ANKH: variants seen among roughly 807,000 people sequenced by gnomAD.
ANKH encodes the protein mineralization regulator ANKH.
ANKH carries 15 observed loss-of-function variants against 49.0 expected under a neutral mutation model. That is an observed-to-expected ratio of 0.31 (90% CI 0.20 to 0.47). The LOEUF is 0.47. ANKH is among the 20% of genes least tolerant of loss of function. The probability of loss-of-function intolerance (pLI) is 1.00; values close to 1 mark genes in which losing one functional copy is unlikely to be tolerated. For missense variants in ANKH, 429 were observed against 652.0 expected (o/e 0.66, Z 3.72); for synonymous variants, 273 against 260.0 (o/e 1.05, Z -0.48).
chr5:14,708,236 C>A lies in ANKH; in HGVS notation c.*2961G>T, dbSNP rs1737016254. On this transcript the variant is annotated 3_prime_UTR_variant, in exon 12 of 12. Transcript: ENST00000284268. ...AGCTCTAGAAAACCCTTACTATTTC[C>A]TATGCTTTGAGCTGCCCAAACCTAT... 1 of 152,208 alleles carries A rather than the reference C, an allele frequency of 6.6e-6. No homozygotes were observed. Among genetic ancestry groups the A allele is most frequent in the South Asian group, 2.1e-4 (1 of 4,832 alleles). 9.4% of individuals were successfully genotyped at this position (152,208 alleles called of 1,614,324 possible). A position where few individuals can be genotyped will look rare whatever the true frequency, so the allele number is the denominator to read the frequency against.
In ANKH at chr5:14,710,825, T is replaced by C. The variant is rs1737146905; in HGVS notation, c.*372A>G. The C allele has an allele frequency of 9.3e-6, 3 of 322,542 alleles. No individual in the cohort carries two copies. The highest frequency in any genetic ancestry group is 1.6e-4 in the East Asian group (2 of 12,466). The allele number at this position is 322,542 out of a possible 1,614,324, so 20.0% of individuals were successfully genotyped here. ...GGGGACAGGAGAGTCTGTGGCCTGCTGTGCAGGGTGACCGAGGCGCGATGG... is the reference window on the plus strand; with the variant it reads ...GGGGACAGGAGAGTCTGTGGCCTGCCGTGCAGGGTGACCGAGGCGCGATGG... On this transcript the variant is annotated 3_prime_UTR_variant, in exon 12 of 12. Coordinates refer to ENST00000284268, the MANE Select transcript of ANKH (RefSeq NM_054027.6).
chr5:14,713,757 C>G lies in ANKH; in HGVS notation c.1142-90G>C. The G allele has an allele frequency of 6.3e-7, 1 of 1,584,766 alleles. No individual in the cohort carries two copies. The highest frequency in any genetic ancestry group is 8.6e-7 in the Non-Finnish European group (1 of 1,158,518). The stretch of plus-strand genomic sequence containing the variant: ...GGACCAGGGCAGCACATCCGAGAGC[C>G]AGGGGCTGCCTAGGACCCTGGCCTT... On this transcript the variant is annotated intron_variant, in intron 9 of 11. Coordinates refer to ENST00000284268, the MANE Select transcript of ANKH (RefSeq NM_054027.6). The surrounding 1 kb of genome is among the most constrained non-coding windows in gnomAD (Gnocchi z 4.4).
intron 8 of ANKH, among the ~76,000 whole-genome samples, chr5:14,726,207 C>T (rs577276401): frequency 6.6e-6 from 1 of 152,290 alleles, no homozygotes; most frequent in Non-Finnish European, 1.5e-5. Flanking sequence ...TTAGATAACA[C>T]TATGCTGTCT....
intron 1 of ANKH, among the ~76,000 whole-genome samples, chr5:14,806,938 A>G (rs1172068267): frequency 6.6e-6 from 1 of 152,174 alleles, no homozygotes; most frequent in Non-Finnish European, 1.5e-5. Flanking sequence ...TAGTTGTCAA[A>G]AGTTCAGAAA....
intron 1 of ANKH, among the ~76,000 whole-genome samples, chr5:14,822,546 T>C (rs1741226053): frequency 6.6e-6 from 1 of 152,230 alleles, no homozygotes; most frequent in Non-Finnish European, 1.5e-5. Flanking sequence ...TTCTGTTATG[T>C]AATCATTTTA....
chr5:14,810,120 G>A (rs1004585854), intron 1 of ANKH, among the ~76,000 whole-genome samples: 2 of 151,986 alleles, frequency 1.3e-5, no homozygotes, highest in Non-Finnish European at 2.9e-5. Flanking sequence ...AGCTTCATGA[G>A]GGAGGAGAAT....
At chr5:14,779,767 C>T (rs1009067026) in intron 1 of ANKH, among the ~76,000 whole-genome samples, 7 of 152,300 alleles carry the variant, frequency 4.6e-5, no homozygotes, top group Admixed American at 1.3e-4. Flanking sequence ...TCATGTAGTT[C>T]TGATCGTTTC....
chr5:14,843,518 C>G (rs1741870743), intron 1 of ANKH, among the ~76,000 whole-genome samples: 1 of 140,040 alleles, frequency 7.1e-6, no homozygotes, highest in Admixed American at 7.8e-5. Flanking sequence ...ACTAATGAGC[C>G]CTTCTCCCAA....
At chr5:14,842,957 A>G (rs560134590) in intron 1 of ANKH, among the ~76,000 whole-genome samples, 3 of 152,306 alleles carry the variant, frequency 2.0e-5, no homozygotes, top group Admixed American at 6.5e-5. Flanking sequence ...TCCATTCAGC[A>G]TGCTGTGTTC....
chr5:14,856,927 G>A (rs1735282361), intron 1 of ANKH, among the ~76,000 whole-genome samples: 1 of 152,078 alleles, frequency 6.6e-6, no homozygotes, highest in South Asian at 2.1e-4. Flanking sequence ...AGGAAGGTGT[G>A]GATGTTTTTT....
chr5:14,789,166 TATAATG>T (rs1236993081), intron 1 of ANKH, among the ~76,000 whole-genome samples: 5 of 152,120 alleles, frequency 3.3e-5, no homozygotes, highest in Non-Finnish European at 7.3e-5. Context: ...AGGCAGAGGT[TATAATG>T]AGCCAAGATT....
At position 14,865,609 on chromosome 5, in the gene ANKH, A is replaced by G. The variant is rs1246043577; in HGVS notation, c.96+5743T>C. Among the ~76,000 whole-genome samples the G allele has an allele frequency of 3.9e-5, 6 of 152,286 alleles. No individual in the cohort carries two copies. In the East Asian group the frequency reaches 1.2e-3, roughly 29 times the overall value. On this transcript the variant is annotated intron_variant, in intron 1 of 11. Transcript: ENST00000284268. ...TAAGGCAAGCTCTTAAGCACTGTCAAAGGAGGTCCTCTCCATTGCTCAGTG... is the reference window on the plus strand; with the variant it reads ...TAAGGCAAGCTCTTAAGCACTGTCAGAGGAGGTCCTCTCCATTGCTCAGTG...
intron 1 of ANKH, among the ~76,000 whole-genome samples, chr5:14,777,292 CA>C (rs1269440772): frequency 1.3e-5 from 2 of 151,980 alleles, no homozygotes; most frequent in Non-Finnish European, 2.9e-5. Flanking sequence ...ATCACAAAAA[CA>C]AAAAACAAAC....
intron 8 of ANKH, 153 bp downstream of exon 8, chr5:14,741,674 C>G (rs1233385450): frequency 1.5e-6 from 1 of 656,622 alleles, no homozygotes; most frequent in African/African-American, 1.8e-5. Flanking sequence ...AACAATCGTT[C>G]ACATTTGAAG....
Position 14,799,965 on chromosome 5 carries a change from A to T in ANKH, c.97-30774T>A, listed in dbSNP as rs148602961. 1.4e-4 allele frequency among the ~76,000 whole-genome samples: 21 copies of T among 152,276 alleles called. No homozygotes were observed. In the East Asian group the frequency reaches 4.1e-3, roughly 29 times the overall value. On this transcript the variant is annotated intron_variant, in intron 1 of 11. Coordinates refer to ENST00000284268, the MANE Select transcript of ANKH (RefSeq NM_054027.6). ...GGATAGTGAAAACCTTCTGGAAAGAAGTCACCATTCTAGATGCCATTAAGA... is the reference window on the plus strand; with the variant it reads ...GGATAGTGAAAACCTTCTGGAAAGATGTCACCATTCTAGATGCCATTAAGA...
intron 1 of ANKH, among the ~76,000 whole-genome samples, chr5:14,836,908 T>C (rs1208894151): frequency 6.6e-6 from 1 of 152,192 alleles, no homozygotes; most frequent in African/African-American, 2.4e-5. Flanking sequence ...ATGATACTGG[T>C]ACCAAAACAG....
intron 7 of ANKH, among the ~76,000 whole-genome samples, chr5:14,742,677 T>C (rs1738401725): frequency 6.6e-6 from 1 of 152,204 alleles, no homozygotes; most frequent in Non-Finnish European, 1.5e-5. Flanking sequence ...GGTGAGGCTG[T>C]GCTTGCTGAG....
intron 1 of ANKH, among the ~76,000 whole-genome samples, chr5:14,805,887 C>G (rs923964307): frequency 4.6e-5 from 7 of 152,154 alleles, no homozygotes; most frequent in Admixed American, 3.3e-4. Flanking sequence ...CCAGGTGTCA[C>G]TCAAAGGGCC....
intron 1 of ANKH, among the ~76,000 whole-genome samples, chr5:14,866,298 G>A (rs546531818): frequency 1.6e-4 from 25 of 152,280 alleles, no homozygotes; most frequent in African/African-American, 4.8e-5. Flanking sequence ...GAGCCACCGC[G>A]CCTGGCACCA....
Sources: gnomAD v4.1 joint callset for allele counts (sites outside exome capture counted in the v4.1 genomes callset) on GRCh38, gnomAD v4.1.1 for gene constraint, Gnocchi (gnomAD v3.1) non-coding constraint, MANE v1.5 for transcripts, NCBI Gene and HGNC (gene_info 2026-07-23, HGNC 2026-07-21) for gene names.